Variants in F2RL1 observed in about 807,000 individuals in gnomAD.
F2RL1 encodes proteinase-activated receptor 2.
F2RL1 carries 16 observed loss-of-function variants against 21.7 expected under a neutral mutation model. That is an observed-to-expected ratio of 0.74 (90% CI 0.50 to 1.12). F2RL1 has a LOEUF of 1.12. Ranked by LOEUF, F2RL1 falls within the 50% of genes most tolerant of loss-of-function variation. The pLI is 0.00. For missense variants in F2RL1, 432 were observed against 477.8 expected (o/e 0.90, Z 0.89); for synonymous variants, 181 against 186.7 (o/e 0.97, Z 0.25).
rs1248424315 is a variant in F2RL1, at chr5:76,833,606, T to C, written c.999T>C (p.Ser333=). 6.2e-7 allele frequency: 1 copy of C among 1,613,958 alleles called. No individual in the cohort carries two copies. Among genetic ancestry groups the C allele is most frequent in the African/African-American group, 1.3e-5 (1 of 74,994 alleles). ...TGTACATTGTAGCCCTCTGCCTCTC[T>C]ACCCTTAACAGCTGCATCGACCCCT... The part of the protein sequence containing the change: ...YALYIVALCL[S]TLNSCIDPFV... Residue 333 remains serine (S), a synonymous_variant, in exon 2 of 2, where the codon TCT becomes TCC. Transcript: ENST00000296677.
At position 76,819,035 on chromosome 5, in the gene F2RL1, C is replaced by T. The variant is rs1580928483; in HGVS notation, c.-148C>T. On this transcript the variant is annotated 5_prime_UTR_variant, in exon 1 of 2. Coordinates refer to ENST00000296677, the MANE Select transcript of F2RL1 (RefSeq NM_005242.6). ...GCTGCTCCTTCGGTTTCCCTGAAAC[C>T]TAACCCGCCCTGGGGAGGCGCGCAG... is the stretch of plus-strand genomic sequence containing the variant. 1.5e-6 allele frequency: 1 copy of T among 664,550 alleles called. No homozygotes were observed. The highest frequency in any genetic ancestry group is 2.9e-5 in the East Asian group (1 of 34,282). 41.2% of individuals were successfully genotyped at this position (664,550 alleles called of 1,614,324 possible).
chr5:76,833,873 G>A lies in F2RL1; in HGVS notation c.*72G>A. On this transcript the variant is annotated 3_prime_UTR_variant, in exon 2 of 2. Transcript: ENST00000296677. ...TGTTTAATGTTATGAGGACGTGTCT[G>A]TTATTTCCTAATCAAAAAGGTCTCA... The A allele has an allele frequency of 2.7e-6, 4 of 1,492,344 alleles. No individual in the cohort carries two copies. The highest frequency in any genetic ancestry group is 3.6e-6 in the Non-Finnish European group (4 of 1,102,820). The allele number at this position is 1,492,344 out of a possible 1,614,324, so 92.4% of individuals were successfully genotyped here.
intron 1 of F2RL1, among the ~76,000 whole-genome samples, chr5:76,828,123 C>A (rs1173421527): frequency 6.6e-6 from 1 of 151,992 alleles, no homozygotes; most frequent in Non-Finnish European, 1.5e-5. Context: ...TGTATGCCAC[C>A]ACACCTGACT....
In F2RL1 at chr5:76,819,217, C is replaced by T. The variant is rs773656741; in HGVS notation, c.35C>T (p.Ala12Val). ...RSPSAAWLLG[A>V]AILLAASLSC... ...CCCAGCGCGGCGTGGCTGCTGGGGG[C>T]CGCCATCCTGCTAGCAGCCTCTCTC... The change falls in exon 1 of 2, where the codon GCC becomes GTC. Residue 12 changes from alanine (A) to valine (V), a missense_variant. Transcript: ENST00000296677. 4 of 1,589,976 alleles carry T rather than the reference C, an allele frequency of 2.5e-6. No homozygotes were observed. The highest frequency in any genetic ancestry group is 1.3e-5 in the African/African-American group (1 of 74,820).
chr5:76,821,356 C>A (rs918470294), intron 1 of F2RL1, among the ~76,000 whole-genome samples: 1 of 152,186 alleles, frequency 6.6e-6, no homozygotes, highest in Non-Finnish European at 1.5e-5. Context: ...AGCATAGTCT[C>A]ATCACCTACG....
At position 76,833,793 on chromosome 5, in the gene F2RL1, T is replaced by G. The variant is rs900311907; in HGVS notation, c.1186T>G (p.Ser396Ala). 6.2e-7 allele frequency: 1 copy of G among 1,611,922 alleles called. No individual in the cohort carries two copies. The highest frequency in any genetic ancestry group is 8.5e-7 in the Non-Finnish European group (1 of 1,178,524). Residue 396 changes from serine (S) to alanine (A), a missense_variant, in exon 2 of 2, where the codon TCC becomes GCC. By Grantham distance (99) the Ser-to-Ala change is moderately conservative. Transcript: ENST00000296677. The part of the protein sequence containing the change: ...YSSSSTTVKT[S>A]Y ...TTCAAGTTCAACCACTGTTAAGACCTCCTATTGAGTTTTCCAGGTCCTCAG... is the reference window on the plus strand; with the variant it reads ...TTCAAGTTCAACCACTGTTAAGACCGCCTATTGAGTTTTCCAGGTCCTCAG...
In F2RL1 at chr5:76,832,257, CT is replaced by C. The variant is rs1183014776; in HGVS notation, c.83-432del. 4.6e-5 allele frequency among the ~76,000 whole-genome samples: 7 copies of C among 152,124 alleles called. No homozygotes were observed. In the East Asian group the frequency reaches 1.3e-3, roughly 29 times the overall value. On this transcript the variant is annotated intron_variant, in intron 1 of 1. Transcript: ENST00000296677. Reference sequence around the variant, plus strand: ...AATCTCATTACACAAAGAAAAGCCCCTATAAGCATTTTGTGTAATCCTCTAA... The same window carrying C: ...AATCTCATTACACAAAGAAAAGCCCCATAAGCATTTTGTGTAATCCTCTAA...
chr5:76,820,849 T>C (rs893859904), intron 1 of F2RL1, among the ~76,000 whole-genome samples: 2 of 152,174 alleles, frequency 1.3e-5, no homozygotes, highest in Non-Finnish European at 2.9e-5. Context: ...TTGTTCCTCA[T>C]CCTCCCCCCA....
In F2RL1 at chr5:76,833,452, G is replaced by A. The variant is rs187106934; in HGVS notation, c.845G>A (p.Arg282Lys). The part of the protein sequence containing the change: ...SAMDENSEKK[R>K]KRAIKLIVTV... ...ATGGATGAAAACTCAGAGAAGAAAAGGAAGAGGGCCATCAAACTCATTGTC... is the reference window on the plus strand; with the variant it reads ...ATGGATGAAAACTCAGAGAAGAAAAAGAAGAGGGCCATCAAACTCATTGTC... The change falls in exon 2 of 2, where the codon AGG (arginine) becomes AAG (lysine). Residue 282 changes from arginine (R) to lysine (K), a missense_variant. Coordinates refer to ENST00000296677, the MANE Select transcript of F2RL1 (RefSeq NM_005242.6). 6.8e-6 allele frequency: 11 copies of A among 1,613,878 alleles called. No homozygotes were observed. Among genetic ancestry groups the A allele is most frequent in the Admixed American group, 3.3e-5 (2 of 59,960 alleles).
rs1750370414 is a variant in F2RL1 at position 76,832,693 on chromosome 5, C to T, written c.86C>T (p.Thr29Ile). ...SLSCSGTIQGTSRSSKGRSLI... is the reference protein window; with the variant it reads ...SLSCSGTIQGISRSSKGRSLI... ...CTTGTCTTCCTTTCTTGTACAGGAA[C>T]CAGTAGATCCTCTAAAGGAAGAAGC... Residue 29 changes from threonine (T) to isoleucine (I), a missense_variant, in exon 2 of 2, where the codon ACC (threonine) becomes ATC (isoleucine). By Grantham distance (89) the Thr-to-Ile change is moderately conservative. Transcript: ENST00000296677. 1.9e-6 allele frequency: 3 copies of T among 1,599,766 alleles called. No homozygotes were observed. The highest frequency in any genetic ancestry group is 1.7e-5 in the Admixed American group (1 of 58,574).
chr5:76,820,797 A>G (rs1750118822), intron 1 of F2RL1, among the ~76,000 whole-genome samples: 1 of 152,146 alleles, frequency 6.6e-6, no homozygotes. Context: ...CAATAAGGAA[A>G]AATCAGGTTA....
chr5:76,833,469 C>T lies in F2RL1; in HGVS notation c.862C>T (p.Leu288Phe), dbSNP rs765886275. Reference sequence around the variant, plus strand: ...GAAGAAAAGGAAGAGGGCCATCAAACTCATTGTCACTGTCCTGGCCATGTA... The same window carrying T: ...GAAGAAAAGGAAGAGGGCCATCAAATTCATTGTCACTGTCCTGGCCATGTA... ...SEKKRKRAIK[L>F]IVTVLAMYLI... Residue 288 changes from leucine (L) to phenylalanine (F), a missense_variant, in exon 2 of 2, where the codon CTC becomes TTC. Coordinates refer to ENST00000296677, the MANE Select transcript of F2RL1 (RefSeq NM_005242.6). 15 of 1,613,776 alleles carry T rather than the reference C, an allele frequency of 9.3e-6. No homozygotes were observed. The highest frequency in any genetic ancestry group is 1.3e-5 in the Non-Finnish European group (15 of 1,180,018).
chr5:76,832,673 C>T lies in F2RL1; in HGVS notation c.83-17C>T. 1 of 1,571,468 alleles carries T rather than the reference C, an allele frequency of 6.4e-7. No homozygotes were observed. The highest frequency in any genetic ancestry group is 8.6e-7 in the Non-Finnish European group (1 of 1,158,318). ...CATTTATTTCTGTAATGACCCTTGT[C>T]TTCCTTTCTTGTACAGGAACCAGTA... On this transcript the variant is annotated splice_polypyrimidine_tract_variant and intron_variant, in intron 1 of 1. Coordinates refer to ENST00000296677, the MANE Select transcript of F2RL1 (RefSeq NM_005242.6).
intron 1 of F2RL1, among the ~76,000 whole-genome samples, chr5:76,826,324 G>A (rs931493669): frequency 3.3e-5 from 5 of 152,024 alleles, no homozygotes; most frequent in African/African-American, 1.2e-4. Context: ...TTATTACCCT[G>A]GAAGAAACAG....
In F2RL1 at chr5:76,823,431, T is replaced by A. The variant is rs1750180432; in HGVS notation, c.82+4167T>A. Among the ~76,000 whole-genome samples the A allele has an allele frequency of 2.8e-5, 4 of 142,620 alleles. No homozygotes were observed. The South Asian group carries it at 8.9e-4, about 32-fold the overall frequency. The allele number at this position is 142,620 out of a possible 152,430, so 93.6% of individuals were successfully genotyped here. A position where few individuals can be genotyped will look rare whatever the true frequency, so the allele number is the denominator to read the frequency against. ...TGTCGCCCAGGCTGGAGGGCTGGAG[T>A]GCAGTGATGTGATCTCAGCTCACTG... On this transcript the variant is annotated intron_variant, in intron 1 of 1. Transcript: ENST00000296677.
Position 76,833,417 on chromosome 5 carries a change from A to G in F2RL1, c.810A>G (p.Arg270=). 1 of 1,613,802 alleles carries G rather than the reference A, an allele frequency of 6.2e-7. No homozygotes were observed. Among genetic ancestry groups the G allele is most frequent in the Non-Finnish European group, 8.5e-7 (1 of 1,179,988 alleles). Residue 270 remains arginine (R), a synonymous_variant, in exon 2 of 2, where the codon CGA becomes CGG. Transcript: ENST00000296677. ...SAYVLMIRML[R]SSAMDENSEK... ...ATGTGCTGATGATCAGAATGCTGCGATCTTCTGCCATGGATGAAAACTCAG... is the reference window on the plus strand; with the variant it reads ...ATGTGCTGATGATCAGAATGCTGCGGTCTTCTGCCATGGATGAAAACTCAG...
At chr5:76,825,938 A>G (rs2150605721) in intron 1 of F2RL1, among the ~76,000 whole-genome samples, 1 of 152,244 alleles carries the variant, frequency 6.6e-6, no homozygotes, top group African/African-American at 2.4e-5. Context: ...TTTAAAACAG[A>G]TTTTGAGCAC....
In F2RL1 at chr5:76,834,460, T is replaced by C. The variant is rs899989792; in HGVS notation, c.*659T>C. The C allele has an allele frequency of 3.9e-5, 6 of 152,168 alleles. No individual in the cohort carries two copies. 9.4% of individuals were successfully genotyped at this position (152,168 alleles called of 1,614,324 possible). On this transcript the variant is annotated 3_prime_UTR_variant, in exon 2 of 2. Transcript: ENST00000296677. The stretch of plus-strand genomic sequence containing the variant: ...GAGTTCGAGACCAGCCTGGCCATCA[T>C]GGCGAAACCTCATCTCTACTAAAAA...
chr5:76,829,255 T>C, intron 1 of F2RL1, among the ~76,000 whole-genome samples: 1 of 94,194 alleles, frequency 1.1e-5, no homozygotes, highest in East Asian at 2.1e-4. Context: ...TTTGTTCTTC[T>C]TCTTCTTCTT....
Sources: allele counts gnomAD v4.1 joint callset (sites outside exome capture counted in the v4.1 genomes callset), GRCh38; gene constraint gnomAD v4.1.1; transcripts MANE v1.5; gene names NCBI Gene and HGNC (gene_info 2026-07-23, HGNC 2026-07-21).